CAMK1D: variants seen among roughly 807,000 people sequenced by gnomAD.
CAMK1D encodes the protein calcium/calmodulin dependent protein kinase ID, also known as calcium/calmodulin-dependent protein kinase type 1D.
In CAMK1D, 9 loss-of-function variants were observed where a neutral mutation model predicts 47.7. That is an observed-to-expected ratio of 0.19 (90% CI 0.11 to 0.33). The LOEUF (loss-of-function observed/expected upper bound fraction) is 0.33. Ranked by LOEUF, CAMK1D falls within the 10% of genes least tolerant of loss-of-function variation. The pLI is 1.00. For missense variants in CAMK1D, 291 were observed against 488.7 expected (o/e 0.60, Z 3.81); for synonymous variants, 184 against 184.9 (o/e 0.99, Z 0.04).
intron 2 of CAMK1D, among the ~76,000 whole-genome samples, chr10:12,615,566 C>G (rs528529921): frequency 2.9e-5 from 1 of 33,932 alleles, no homozygotes; most frequent in African/African-American, 7.5e-5. Context: ...GTGTGTATAT[C>G]GTGTGTGTGC....
intron 1 of CAMK1D, among the ~76,000 whole-genome samples, chr10:12,413,286 C>G (rs1839727628): frequency 6.6e-6 from 1 of 152,100 alleles, no homozygotes; most frequent in Non-Finnish European, 1.5e-5. Flanking sequence ...CACACACTTG[C>G]AAGAACTCAC....
At chr10:12,394,084 G>A (rs1838848500) in intron 1 of CAMK1D, among the ~76,000 whole-genome samples, 1 of 152,216 alleles carries the variant, frequency 6.6e-6, no homozygotes, top group African/African-American at 2.4e-5. Context: ...TCCTTTGAGG[G>A]TTCACACCAT....
chr10:12,701,568 G>A (rs909128911), intron 3 of CAMK1D, among the ~76,000 whole-genome samples: 1 of 152,174 alleles, frequency 6.6e-6, no homozygotes, highest in African/African-American at 2.4e-5. Context: ...GTTTAAGGCA[G>A]TGTGGCTTCT....
intron 2 of CAMK1D, among the ~76,000 whole-genome samples, chr10:12,578,312 T>G (rs567297277): frequency 6.6e-6 from 1 of 152,046 alleles, no homozygotes; most frequent in African/African-American, 2.4e-5. Context: ...TTGGAAGGCT[T>G]AGGCAGCCAG....
At chr10:12,459,934 A>C (rs1431021334) in intron 1 of CAMK1D, among the ~76,000 whole-genome samples, 1 of 152,186 alleles carries the variant, frequency 6.6e-6, no homozygotes, top group African/African-American at 2.4e-5. Context: ...AATGAAGGAA[A>C]AATAACACAG....
chr10:12,739,190 T>C (rs774260591), intron 3 of CAMK1D, among the ~76,000 whole-genome samples: 4 of 152,074 alleles, frequency 2.6e-5, no homozygotes, highest in Non-Finnish European at 5.9e-5. Context: ...TGAGCCATGA[T>C]TGCGCCCCTG....
chr10:12,617,282 AAAGT>A (rs1838853334), intron 2 of CAMK1D, among the ~76,000 whole-genome samples: 1 of 152,234 alleles, frequency 6.6e-6, no homozygotes, highest in African/African-American at 2.4e-5. Flanking sequence ...CACAACAAGA[AAAGT>A]AATGTGTATT....
intron 1 of CAMK1D, among the ~76,000 whole-genome samples, chr10:12,530,449 C>G (rs1298254326): frequency 6.6e-6 from 1 of 152,130 alleles, no homozygotes; most frequent in African/African-American, 2.4e-5. Flanking sequence ...CTGCATCATC[C>G]AGGTCTGACA....
intron 2 of CAMK1D, among the ~76,000 whole-genome samples, chr10:12,635,182 C>T (rs1277756622): frequency 6.6e-6 from 1 of 152,006 alleles, no homozygotes; most frequent in Admixed American, 6.6e-5. Context: ...CTCGGGAGGC[C>T]TTCCTGTGGG....
chr10:12,360,299 G>C (rs1837619662), intron 1 of CAMK1D, among the ~76,000 whole-genome samples: 1 of 152,136 alleles, frequency 6.6e-6, no homozygotes, highest in Admixed American at 6.6e-5. Flanking sequence ...TGACAGTCTT[G>C]CCTGCCTCCC....
chr10:12,675,581 T>C (rs1420322288), intron 3 of CAMK1D, among the ~76,000 whole-genome samples: 1 of 152,196 alleles, frequency 6.6e-6, no homozygotes, highest in East Asian at 1.9e-4. Context: ...ACAACCACTT[T>C]TCCTCGTCTC....
intron 3 of CAMK1D, among the ~76,000 whole-genome samples, chr10:12,713,557 A>G (rs748131741): frequency 6.6e-6 from 1 of 152,226 alleles, no homozygotes; most frequent in Non-Finnish European, 1.5e-5. Flanking sequence ...AAAAAGAAAC[A>G]GGGAGGGAAT....
intron 3 of CAMK1D, among the ~76,000 whole-genome samples, chr10:12,716,273 A>T (rs1834132093): frequency 6.6e-6 from 1 of 152,122 alleles, no homozygotes; most frequent in South Asian, 2.1e-4. Flanking sequence ...GTATTGTAGG[A>T]TGTTTATCAG....
chr10:12,380,653 G>A (rs1259436898), intron 1 of CAMK1D, among the ~76,000 whole-genome samples: 7 of 152,084 alleles, frequency 4.6e-5, no homozygotes, highest in Admixed American at 3.9e-4. Flanking sequence ...GTCAGAGATC[G>A]AGACCATCCT....
At chr10:12,777,491 G>A (rs898138989) in intron 5 of CAMK1D, among the ~76,000 whole-genome samples, 21 of 148,704 alleles carry the variant, frequency 1.4e-4, no homozygotes, top group African/African-American at 5.0e-4. Flanking sequence ...TCCTGCCTCA[G>A]CCTCCCGAGT....
chr10:12,402,807 A>G (rs949373407), intron 1 of CAMK1D, among the ~76,000 whole-genome samples: 1 of 151,986 alleles, frequency 6.6e-6, no homozygotes, highest in Non-Finnish European at 1.5e-5. Context: ...AAGGGCTAAC[A>G]GGTCTCCTGC....
At chr10:12,734,310 G>A (rs376078497) in intron 3 of CAMK1D, among the ~76,000 whole-genome samples, 143 of 113,896 alleles carry the variant, frequency 1.3e-3, no homozygotes, top group African/African-American at 4.9e-3. Context: ...GCAACACAGC[G>A]AGACTCCATC....
intron 2 of CAMK1D, among the ~76,000 whole-genome samples, chr10:12,643,005 GTTGT>G (rs1471206603): frequency 6.6e-5 from 10 of 152,020 alleles, no homozygotes; most frequent in South Asian, 4.1e-4. Context: ...GTTTGTTGTT[GTTGT>G]TTGTTTGTTT....
chr10:12,544,361 A>G (rs931076837), intron 1 of CAMK1D, among the ~76,000 whole-genome samples: 2 of 152,232 alleles, frequency 1.3e-5, no homozygotes, highest in Non-Finnish European at 2.9e-5. Flanking sequence ...TCCCACAGTT[A>G]TGCATTTTAT....
Sources: gnomAD v4.1 joint callset for allele counts (sites outside exome capture counted in the v4.1 genomes callset) on GRCh38, gnomAD v4.1.1 for gene constraint, MANE v1.5 for transcripts, NCBI Gene and HGNC (gene_info 2026-07-23, HGNC 2026-07-21) for gene names.